PLCB1: variants seen among roughly 807,000 people sequenced by gnomAD.
PLCB1 encodes phospholipase C beta 1, also known as 1-phosphatidylinositol 4,5-bisphosphate phosphodiesterase beta-1.
In PLCB1, 46 loss-of-function variants were observed where a neutral mutation model predicts 161.8. The observed-to-expected ratio is 0.28, with a 90% CI of 0.22 to 0.36. PLCB1 has a LOEUF of 0.36. PLCB1 is among the 10% of genes least tolerant of loss of function. The probability of loss-of-function intolerance (pLI) is 1.00; values close to 1 mark genes in which losing one functional copy is unlikely to be tolerated. For missense variants in PLCB1, 1,016 were observed against 1,472.5 expected (o/e 0.69, Z 5.07); for synonymous variants, 517 against 503.7 (o/e 1.03, Z -0.35).
intron 2 of PLCB1, among the ~76,000 whole-genome samples, chr20:8,309,563 TGA>T (rs1333167681): frequency 6.6e-6 from 1 of 152,180 alleles, no homozygotes; most frequent in African/African-American, 2.4e-5. Flanking sequence ...GGACTACAAA[TGA>T]GAAATAGAAG....
intron 1 of PLCB1, among the ~76,000 whole-genome samples, chr20:8,142,181 A>G (rs1002432784): frequency 1.1e-4 from 17 of 152,104 alleles, no homozygotes; most frequent in African/African-American, 4.1e-4. Flanking sequence ...GGAATGAAGG[A>G]ACTGTCTGGT....
At chr20:8,813,659 A>G (rs1984941433) in intron 31 of PLCB1, among the ~76,000 whole-genome samples, 1 of 151,996 alleles carries the variant, frequency 6.6e-6, no homozygotes, top group Admixed American at 6.6e-5. Flanking sequence ...GTGAGACCCT[A>G]TCTCTAAAAA....
At chr20:8,373,764 C>T (rs1236057059) in intron 3 of PLCB1, among the ~76,000 whole-genome samples, 1 of 152,098 alleles carries the variant, frequency 6.6e-6, no homozygotes, top group Admixed American at 6.6e-5. Flanking sequence ...ATTTCACTCA[C>T]TTAATTTGGA....
At chr20:8,385,620 G>A (rs1987404360) in intron 3 of PLCB1, among the ~76,000 whole-genome samples, 1 of 152,256 alleles carries the variant, frequency 6.6e-6, no homozygotes, top group Non-Finnish European at 1.5e-5. Flanking sequence ...ACAGCTCTGG[G>A]GTTGGGACCC....
intron 31 of PLCB1, among the ~76,000 whole-genome samples, chr20:8,870,504 T>C (rs376347599): frequency 6.6e-6 from 1 of 152,204 alleles, no homozygotes. Flanking sequence ...ATGGAATATA[T>C]GCATATATAG....
intron 2 of PLCB1, among the ~76,000 whole-genome samples, chr20:8,198,430 A>T (rs935948910): frequency 2.6e-5 from 4 of 152,004 alleles, no homozygotes; most frequent in African/African-American, 7.2e-5. Flanking sequence ...TCTCCATTCA[A>T]GGTTGCAGAA....
chr20:8,310,623 T>G (rs1984353182), intron 2 of PLCB1, among the ~76,000 whole-genome samples: 1 of 152,178 alleles, frequency 6.6e-6, no homozygotes, highest in Non-Finnish European at 1.5e-5. Flanking sequence ...TCCATTTTTA[T>G]TTTAGATTCA....
chr20:8,144,839 G>A (rs1568568834), intron 1 of PLCB1, among the ~76,000 whole-genome samples: 2 of 152,138 alleles, frequency 1.3e-5, no homozygotes, highest in South Asian at 2.1e-4. Flanking sequence ...TTTTCCTGTT[G>A]ACTCTGTGGT....
intron 3 of PLCB1, among the ~76,000 whole-genome samples, chr20:8,616,921 C>A (rs1988054329): frequency 6.6e-6 from 1 of 152,154 alleles, no homozygotes; most frequent in Non-Finnish European, 1.5e-5. Flanking sequence ...AGGCTAGGCC[C>A]AACAGGACTA....
At chr20:8,368,789 G>T (rs1031485642) in intron 2 of PLCB1, among the ~76,000 whole-genome samples, 1 of 152,040 alleles carries the variant, frequency 6.6e-6, no homozygotes, top group Non-Finnish European at 1.5e-5. Flanking sequence ...TCCTAAGTGG[G>T]TTGTAGTTTT....
chr20:8,535,202 C>CAAAAAAAAAAAAAAAAAAAAAAAAAGA (rs11323420), intron 3 of PLCB1, among the ~76,000 whole-genome samples: 2 of 52,798 alleles, frequency 3.8e-5, no homozygotes, highest in African/African-American at 6.9e-5. Context: ...AGTTTATGGG[C>CAAAAAAAAAAAAAAAAAAAAAAAAAGA]AAAAAAAAAA....
intron 3 of PLCB1, among the ~76,000 whole-genome samples, chr20:8,433,706 TTCCTCCTCCTCCTCCTCATCCTCC>T (rs1473926706): frequency 6.8e-6 from 1 of 146,664 alleles, no homozygotes; most frequent in East Asian, 1.9e-4. Context: ...CCTTCTCCTC[TTCCTCCTCCTCCTCCTCATCCTCC>T]TCCTCCTCCT....
At chr20:8,735,778 A>G (rs1268710118) in intron 19 of PLCB1, among the ~76,000 whole-genome samples, 1 of 152,236 alleles carries the variant, frequency 6.6e-6, no homozygotes, top group Non-Finnish European at 1.5e-5. Context: ...TAGAACCTCA[A>G]GTTAAACAAA....
At chr20:8,476,497 A>G (rs778304956) in intron 3 of PLCB1, among the ~76,000 whole-genome samples, 1 of 152,238 alleles carries the variant, frequency 6.6e-6, no homozygotes, top group East Asian at 1.9e-4. Flanking sequence ...GCTGGATGCT[A>G]AAGTTAATTT....
intron 2 of PLCB1, among the ~76,000 whole-genome samples, chr20:8,320,699 A>C (rs983331988): frequency 6.6e-6 from 1 of 152,130 alleles, no homozygotes; most frequent in Non-Finnish European, 1.5e-5. Context: ...CATTTGGTAC[A>C]TATCTAATAA....
rs544069766 is a variant in PLCB1 at position 8,658,334 on chromosome 20, G to A, written c.696-204G>A. 1.9e-4 allele frequency among the ~76,000 whole-genome samples: 29 copies of A among 152,200 alleles called. No homozygotes were observed. The South Asian group carries it at 3.5e-3, about 18-fold the overall frequency. On this transcript the variant is annotated intron_variant, in intron 8 of 31. Coordinates refer to ENST00000338037, the MANE Select transcript of PLCB1 (RefSeq NM_015192.4). ...TTTTGCAAGAGCATTGGGTTTTAGC[G>A]GTAGCAATTGCACAAGATATTTGTA...
At chr20:8,516,993 T>C (rs1308283772) in intron 3 of PLCB1, among the ~76,000 whole-genome samples, 1 of 152,026 alleles carries the variant, frequency 6.6e-6, no homozygotes, top group African/African-American at 2.4e-5. Context: ...ATGCCAGATT[T>C]CACAAGGAGT....
chr20:8,336,345 A>T (rs909464709), intron 2 of PLCB1, among the ~76,000 whole-genome samples: 3 of 152,206 alleles, frequency 2.0e-5, no homozygotes, highest in African/African-American at 7.2e-5. Flanking sequence ...ATTATGGCCC[A>T]TGTATTTTCC....
chr20:8,546,382 C>A (rs959519915), intron 3 of PLCB1, among the ~76,000 whole-genome samples: 2 of 148,832 alleles, frequency 1.3e-5, no homozygotes, highest in African/African-American at 4.9e-5. Context: ...GTGATCATTT[C>A]TAATTGATAC....
Sources: gnomAD v4.1 joint callset for allele counts (sites outside exome capture counted in the v4.1 genomes callset) on GRCh38, gnomAD v4.1.1 for gene constraint, MANE v1.5 for transcripts, NCBI Gene and HGNC (gene_info 2026-07-23, HGNC 2026-07-21) for gene names.